Variants in CHSY3 observed in about 807,000 individuals in gnomAD.
CHSY3 encodes N-acetylgalactosaminyl-proteoglycan 3-beta-glucuronosyltransferase 3.
In CHSY3, 35 loss-of-function variants were observed where a neutral mutation model predicts 67.2. The ratio of observed to expected loss-of-function variants is 0.52; its 90% CI spans 0.40 to 0.69. The LOEUF (loss-of-function observed/expected upper bound fraction) is 0.69, where lower values mean the gene tolerates loss of function less well. Among genes scored for constraint, CHSY3 ranks in the 30% least tolerant of loss-of-function variants. The pLI, the probability that CHSY3 is intolerant of heterozygous loss-of-function variation, is 0.00. For synonymous variants in CHSY3, 474 were observed against 434.7 expected (o/e 1.09, Z -1.12); for missense variants, 1,069 against 1,138.5 (o/e 0.94, Z 0.88).
intron 2 of CHSY3, among the ~76,000 whole-genome samples, chr5:130,019,831 A>G (rs1764316026): frequency 6.6e-6 from 1 of 152,184 alleles, no homozygotes; most frequent in South Asian, 2.1e-4. Context: ...ACTTTTCACA[A>G]AACTATGTGG....
intron 2 of CHSY3, among the ~76,000 whole-genome samples, chr5:130,181,996 G>GTATGTA (rs1554088673): frequency 4.0e-5 from 6 of 150,120 alleles, no homozygotes; most frequent in Non-Finnish European, 7.4e-5. Flanking sequence ...GTGTATGTAT[G>GTATGTA]TATATATATA....
intron 2 of CHSY3, chr5:130,142,031 A>T (rs1228425997): frequency 6.3e-5 from 11 of 175,396 alleles, no homozygotes; most frequent in Non-Finnish European, 3.6e-5. Flanking sequence ...TTCTGTGGCC[A>T]TCTTAAAGTT....
intron 2 of CHSY3, among the ~76,000 whole-genome samples, chr5:130,171,828 A>T (rs546483309): frequency 1.3e-5 from 2 of 152,344 alleles, no homozygotes; most frequent in South Asian, 4.1e-4. Context: ...CATACAGAGC[A>T]TTAGTACAGA....
intron 2 of CHSY3, among the ~76,000 whole-genome samples, chr5:129,967,153 A>G (rs750369581): frequency 1.3e-5 from 2 of 151,794 alleles, no homozygotes; most frequent in East Asian, 1.9e-4. Context: ...TCATGTACCT[A>G]TCTCATAGAC....
At chr5:130,025,969 A>C (rs931504140) in intron 2 of CHSY3, among the ~76,000 whole-genome samples, 11 of 152,162 alleles carry the variant, frequency 7.2e-5, no homozygotes, top group South Asian at 2.1e-4. Flanking sequence ...AGAAGAGGCC[A>C]GTTTTATTAA....
At chr5:129,927,032 A>G (rs987554280) in intron 2 of CHSY3, among the ~76,000 whole-genome samples, 1 of 151,974 alleles carries the variant, frequency 6.6e-6, no homozygotes, top group Non-Finnish European at 1.5e-5. Flanking sequence ...AATAAAACAA[A>G]CTTACTTGAA....
intron 2 of CHSY3, among the ~76,000 whole-genome samples, chr5:130,058,392 C>T (rs1036947263): frequency 6.6e-6 from 1 of 152,256 alleles, no homozygotes; most frequent in East Asian, 1.9e-4. Context: ...CTTTGGGAGG[C>T]TGAGGCAGGT....
intron 2 of CHSY3, among the ~76,000 whole-genome samples, chr5:130,087,820 C>T (rs1477065942): frequency 6.6e-6 from 1 of 151,244 alleles, no homozygotes; most frequent in Non-Finnish European, 1.5e-5. Flanking sequence ...TCAATGCCAT[C>T]CCCATCAAGC....
intron 1 of CHSY3, among the ~76,000 whole-genome samples, chr5:129,906,268 A>G (rs1760293938): frequency 1.3e-5 from 2 of 151,782 alleles, no homozygotes; most frequent in Non-Finnish European, 2.9e-5. Context: ...TGCTCCTTCC[A>G]GCCGCTACAG....
intron 2 of CHSY3, among the ~76,000 whole-genome samples, chr5:130,045,248 T>C (rs1437887525): frequency 6.6e-6 from 1 of 151,798 alleles, no homozygotes; most frequent in Admixed American, 6.6e-5. Context: ...GTACACAGAG[T>C]GTAAAAGAAA....
At position 130,000,885 on chromosome 5, in the gene CHSY3, CT is replaced by C. The variant is rs545172978; in HGVS notation, c.1086+92542del. On this transcript the variant is annotated intron_variant, in intron 2 of 2. Transcript: ENST00000305031. ...GGCACAGCACCAGCCAGCCTGTCTTCTTTTTTTTTTTTTTTTTCTCCAAGAC... is the reference window on the plus strand; with the variant it reads ...GGCACAGCACCAGCCAGCCTGTCTTCTTTTTTTTTTTTTTTTCTCCAAGAC... Among the ~76,000 whole-genome samples, 744 of 124,618 alleles carry C rather than the reference CT, an allele frequency of 6.0e-3. 7 individuals are homozygous for C. Among genetic ancestry groups the C allele is most frequent in the African/African-American group, 0.016 (512 of 32,412 alleles). The allele number at this position is 124,618 out of a possible 152,430, so 81.8% of individuals were successfully genotyped here.
At position 130,070,506 on chromosome 5, in the gene CHSY3, A is replaced by G. The variant is rs1766025601; in HGVS notation, c.1087-113723A>G. 3.3e-5 allele frequency among the ~76,000 whole-genome samples: 5 copies of G among 152,226 alleles called. 1 individual carries two copies. In the South Asian group the frequency reaches 1.0e-3, roughly 32 times the overall value. On this transcript the variant is annotated intron_variant, in intron 2 of 2. Transcript: ENST00000305031. ...TAAGTTTTATGTGGATTTTGGTGTC[A>G]GAAAATCATGAAATGAAATATCTTC...
chr5:130,036,111 G>A (rs73785860), intron 2 of CHSY3, among the ~76,000 whole-genome samples: 76 of 152,076 alleles, frequency 5.0e-4, no homozygotes, highest in African/African-American at 1.8e-3. Context: ...TCTCAGTGTT[G>A]CTGAGCACTC....
intron 2 of CHSY3, among the ~76,000 whole-genome samples, chr5:130,183,900 G>A (rs1017505931): frequency 6.6e-6 from 1 of 151,580 alleles, no homozygotes; most frequent in Admixed American, 6.6e-5. Context: ...GATGATAAAT[G>A]TTCTCACCAC....
chr5:129,922,610 G>A (rs1024882675), intron 2 of CHSY3, among the ~76,000 whole-genome samples: 1 of 150,806 alleles, frequency 6.6e-6, no homozygotes, highest in African/African-American at 2.4e-5. Context: ...TTTTTTTCAT[G>A]TATCTGTTAG....
intron 2 of CHSY3, among the ~76,000 whole-genome samples, chr5:129,990,631 T>C (rs945210922): frequency 2.0e-5 from 3 of 152,210 alleles, no homozygotes; most frequent in African/African-American, 7.2e-5. Flanking sequence ...AGCATTTTTA[T>C]CAGAGTTTGA....
intron 2 of CHSY3, among the ~76,000 whole-genome samples, chr5:129,914,944 T>C (rs2149578800): frequency 6.6e-6 from 1 of 152,326 alleles, no homozygotes; most frequent in Admixed American, 6.5e-5. Context: ...GAATATTCTT[T>C]CTCTTTAATT....
intron 2 of CHSY3, among the ~76,000 whole-genome samples, chr5:130,137,407 A>G (rs1768700134): frequency 6.6e-6 from 1 of 152,136 alleles, no homozygotes; most frequent in Non-Finnish European, 1.5e-5. Flanking sequence ...GAATATTTTC[A>G]GTATATCTTC....
rs553919181 is a variant in CHSY3, at chr5:130,099,226, G to A, written c.1087-85003G>A. 7.2e-5 allele frequency among the ~76,000 whole-genome samples: 11 copies of A among 152,330 alleles called. 1 individual carries two copies. The highest frequency in any genetic ancestry group is 4.1e-4 in the South Asian group (2 of 4,826). ...TGGTTGATAAAAATGGAATAATTAC[G>A]TGGAAGTTGTTTTTCTTTCTGGCAT... On this transcript the variant is annotated intron_variant, in intron 2 of 2. Coordinates refer to ENST00000305031, the MANE Select transcript of CHSY3 (RefSeq NM_175856.5).
Sources: allele counts gnomAD v4.1 joint callset (sites outside exome capture counted in the v4.1 genomes callset), GRCh38; gene constraint gnomAD v4.1.1; transcripts MANE v1.5; gene names NCBI Gene and HGNC (gene_info 2026-07-23, HGNC 2026-07-21).